COL23A1: variants seen among roughly 807,000 people sequenced by gnomAD.
COL23A1 encodes the protein collagen alpha-1(XXIII) chain.
COL23A1 carries 97 observed loss-of-function variants against 99.3 expected under a neutral mutation model. The ratio of observed to expected loss-of-function variants is 0.98; its 90% CI spans 0.83 to 1.16. The LOEUF (loss-of-function observed/expected upper bound fraction) is 1.16. Ranked by LOEUF, COL23A1 falls within the 50% of genes most tolerant of loss-of-function variation. COL23A1 has a pLI of 0.00. For missense variants in COL23A1, 762 were observed against 757.4 expected, an observed-to-expected ratio of 1.01 and a Z score of -0.07; for synonymous variants, 320 against 308.2, an observed-to-expected ratio of 1.04 and a Z score of -0.40.
intron 1 of COL23A1, among the ~76,000 whole-genome samples, chr5:178,574,921 T>TC (rs913390734): frequency 3.8e-4 from 58 of 152,308 alleles, no homozygotes; most frequent in African/African-American, 1.3e-3. Flanking sequence ...GATCAGTACT[T>TC]CCAGCCCATT....
In COL23A1 at chr5:178,249,098, G is replaced by T; in HGVS notation, c.1149+19C>A. On this transcript the variant is annotated intron_variant, in intron 19 of 28. Transcript: ENST00000390654. ...TTCCACACAGGAGGCGTAATGTGTGGCCCAACCCAGCCACATACCGGGAGG... is the reference window on the plus strand; with the variant it reads ...TTCCACACAGGAGGCGTAATGTGTGTCCCAACCCAGCCACATACCGGGAGG... 1 of 1,612,734 alleles carries T rather than the reference G, an allele frequency of 6.2e-7. No homozygotes were observed. Among genetic ancestry groups the T allele is most frequent in the East Asian group, 2.2e-5 (1 of 44,868 alleles).
intron 1 of COL23A1, among the ~76,000 whole-genome samples, chr5:178,581,560 C>T (rs1057154023): frequency 1.8e-3 from 255 of 139,666 alleles, no homozygotes; most frequent in Non-Finnish European, 1.1e-3. Flanking sequence ...AGTGAGATTC[C>T]GTCTCAAAAA....
Position 178,246,461 on chromosome 5 carries a change from C to T in COL23A1, c.1297-8G>A, listed in dbSNP as rs748799723. The T allele has an allele frequency of 6.4e-7, 1 of 1,561,582 alleles. No homozygotes were observed. The highest frequency in any genetic ancestry group is 8.7e-7 in the Non-Finnish European group (1 of 1,152,000). On this transcript the variant is annotated splice_region_variant and splice_polypyrimidine_tract_variant and intron_variant, in intron 22 of 28. Transcript: ENST00000390654. Reference sequence around the variant, plus strand: ...CTTTGCTCCATCCAAGCCCTGGAGGCAAAGGAGGGAAATCAGTCAAGGGGA... The same window carrying T: ...CTTTGCTCCATCCAAGCCCTGGAGGTAAAGGAGGGAAATCAGTCAAGGGGA...
chr5:178,370,253 C>T (rs1259312147), intron 2 of COL23A1, among the ~76,000 whole-genome samples: 1 of 152,182 alleles, frequency 6.6e-6, no homozygotes, highest in Admixed American at 6.5e-5. Flanking sequence ...AGGTCCTGGG[C>T]GTGCTTCTTC....
At chr5:178,290,411 CAG>C (rs1561830882) in intron 3 of COL23A1, 42 bp from the exon 4 acceptor site, 1 of 1,613,966 alleles carries the variant, frequency 6.2e-7, no homozygotes, top group South Asian at 1.1e-5. Flanking sequence ...GTGTGGAAGG[CAG>C]AGTCCCCTCG....
At chr5:178,305,265 C>G (rs779002566) in intron 3 of COL23A1, among the ~76,000 whole-genome samples, 4 of 152,070 alleles carry the variant, frequency 2.6e-5, no homozygotes, top group Non-Finnish European at 4.4e-5. Flanking sequence ...TGCCGGTGAG[C>G]GCTAAGGAGT....
chr5:178,454,531 C>A (rs1195623528), intron 2 of COL23A1, among the ~76,000 whole-genome samples: 1 of 152,166 alleles, frequency 6.6e-6, no homozygotes, highest in East Asian at 1.9e-4. Context: ...AGTCTCCTGG[C>A]AAGGCATTTA....
chr5:178,327,161 C>T lies in COL23A1; in HGVS notation c.362-20242G>A, dbSNP rs1759733556. Among the ~76,000 whole-genome samples the T allele has an allele frequency of 2.0e-5, 3 of 152,336 alleles. No individual in the cohort carries two copies. In the South Asian group the frequency reaches 6.2e-4, roughly 32 times the overall value. On this transcript the variant is annotated intron_variant, in intron 2 of 28. Transcript: ENST00000390654. The stretch of plus-strand genomic sequence containing the variant: ...TCATTCGTCTTTCTGACCAGCCATC[C>T]ATCAAAGATGTACTAATGACCCACT...
At chr5:178,249,299 C>T (rs1021590096) in intron 18 of COL23A1, 93 bp from the exon 19 acceptor site, 43 of 1,233,316 alleles carry the variant, frequency 3.5e-5, no homozygotes, top group Non-Finnish European at 4.5e-5. Flanking sequence ...CATGCTAGGG[C>T]CCCACTTTCT....
rs1223215382 is a variant in COL23A1, at chr5:178,384,218, C to CGCTGCTGCT, written c.362-77300_362-77299insAGCAGCAGC. ...ACAACGAGAGCAGCGTGGAGCCAGA[C>CGCTGCTGCT]GCTGCTGCGAGCTGAGCTGCGATCG... is the stretch of plus-strand genomic sequence containing the variant. On this transcript the variant is annotated intron_variant, in intron 2 of 28. Transcript: ENST00000390654. The surrounding 1 kb of genome is among the most constrained non-coding windows in gnomAD (Gnocchi z 5.5). 6.6e-6 allele frequency among the ~76,000 whole-genome samples: 1 copy of CGCTGCTGCT among 152,224 alleles called. No homozygotes were observed. The highest frequency in any genetic ancestry group is 2.1e-4 in the South Asian group (1 of 4,828).
intron 2 of COL23A1, among the ~76,000 whole-genome samples, chr5:178,463,422 C>T (rs1280644958): frequency 2.0e-5 from 3 of 152,088 alleles, no homozygotes; most frequent in Non-Finnish European, 2.9e-5. Flanking sequence ...AAACTGTTAC[C>T]GGGTCTGGAA....
At chr5:178,490,326 T>C (rs922142271) in intron 2 of COL23A1, among the ~76,000 whole-genome samples, 62 of 152,058 alleles carry the variant, frequency 4.1e-4, no homozygotes, top group African/African-American at 1.3e-3. Context: ...GATATTAAGC[T>C]AAGTGAAATA....
chr5:178,508,524 T>TG (rs1759007815), intron 2 of COL23A1, among the ~76,000 whole-genome samples: 1 of 152,210 alleles, frequency 6.6e-6, no homozygotes, highest in Admixed American at 6.5e-5. Flanking sequence ...CAGGAAAAGA[T>TG]GGGGGGTGCC....
intron 2 of COL23A1, among the ~76,000 whole-genome samples, chr5:178,343,701 C>T (rs943549080): frequency 4.7e-5 from 7 of 148,124 alleles, no homozygotes; most frequent in East Asian, 3.9e-4. Context: ...TTGCTCTTGT[C>T]GCCCAGGCTG....
intron 2 of COL23A1, among the ~76,000 whole-genome samples, chr5:178,358,238 G>A (rs1016104429): frequency 6.3e-5 from 5 of 79,500 alleles, no homozygotes; most frequent in African/African-American, 1.3e-4. Flanking sequence ...GTGTATGTGT[G>A]TATGTGTATG....
At chr5:178,584,367 T>C (rs1490226420) in intron 1 of COL23A1, among the ~76,000 whole-genome samples, 1 of 151,664 alleles carries the variant, frequency 6.6e-6, no homozygotes, top group African/African-American at 2.4e-5. Flanking sequence ...CATATAAATT[T>C]TTTTCTTTTT....
chr5:178,481,052 G>C (rs1757305067), intron 2 of COL23A1, among the ~76,000 whole-genome samples: 1 of 148,330 alleles, frequency 6.7e-6, no homozygotes, highest in Non-Finnish European at 1.5e-5. Flanking sequence ...GGAGGCTAAG[G>C]CATGAACATT....
rs1028414905 is a variant in COL23A1 at position 178,358,152 on chromosome 5, ATG to A, written c.362-51235_362-51234del. Among the ~76,000 whole-genome samples the A allele has an allele frequency of 7.6e-5, 10 of 131,524 alleles. No homozygotes were observed. The East Asian group carries it at 9.6e-4, about 13-fold the overall frequency. The allele number at this position is 131,524 out of a possible 152,430, so 86.3% of individuals were successfully genotyped here. On this transcript the variant is annotated intron_variant, in intron 2 of 28. Transcript: ENST00000390654. ...GTACGTCTAATGTGTGTGTATGTGT[ATG>A]TGTGTATGTCTAATGTGTATGTGTA...
intron 2 of COL23A1, among the ~76,000 whole-genome samples, chr5:178,373,604 C>T (rs1247259275): frequency 3.9e-5 from 6 of 151,940 alleles, no homozygotes; most frequent in Non-Finnish European, 7.4e-5. Flanking sequence ...TTAGTAGAGA[C>T]GGGATTTCAC....
Sources: allele counts gnomAD v4.1 joint callset (sites outside exome capture counted in the v4.1 genomes callset), GRCh38; gene constraint gnomAD v4.1.1; non-coding constraint Gnocchi (gnomAD v3.1); transcripts MANE v1.5; gene names NCBI Gene and HGNC (gene_info 2026-07-23, HGNC 2026-07-21).